Variants in BFSP1 observed in about 807,000 individuals in gnomAD.
BFSP1 encodes beaded filament structural protein 1.
In BFSP1, 38 loss-of-function variants were observed where a neutral mutation model predicts 43.9. The observed-to-expected ratio is 0.87, with a 90% CI of 0.67 to 1.14. The LOEUF (loss-of-function observed/expected upper bound fraction) is 1.14, where lower values mean the gene tolerates loss of function less well. BFSP1 is among the 50% of genes most tolerant of loss of function. The pLI is 0.00. For missense variants in BFSP1, 850 were observed against 875.1 expected, an observed-to-expected ratio of 0.97 and a Z score of 0.36; for synonymous variants, 352 against 354.8, an observed-to-expected ratio of 0.99 and a Z score of 0.09.
chr20:17,515,634 G>T (rs1305191759), intron 2 of BFSP1, among the ~76,000 whole-genome samples: 1 of 152,162 alleles, frequency 6.6e-6, no homozygotes, highest in Non-Finnish European at 1.5e-5. Flanking sequence ...AATTATTCAT[G>T]CTCTTAATAA....
intron 6 of BFSP1, 52 bp downstream of exon 6, chr20:17,498,768 T>C (rs2033716450): frequency 1.3e-6 from 2 of 1,577,326 alleles, no homozygotes; most frequent in Middle Eastern, 2.3e-4. Flanking sequence ...AGGCACTCAA[T>C]AAAGAGTTGT....
At chr20:17,545,269 C>CG (rs1384545485) in intron 1 of BFSP1, among the ~76,000 whole-genome samples, 1 of 152,010 alleles carries the variant, frequency 6.6e-6, no homozygotes, top group Non-Finnish European at 1.5e-5. Context: ...CTGGGCTGGA[C>CG]GAAGCACAGG....
chr20:17,555,710 T>C (rs2034980703), intron 1 of BFSP1, among the ~76,000 whole-genome samples: 1 of 152,146 alleles, frequency 6.6e-6, no homozygotes, highest in South Asian at 2.1e-4. Flanking sequence ...CATGCCATGT[T>C]CACAGGTGAA....
chr20:17,544,316 C>A (rs745702814), intron 1 of BFSP1, among the ~76,000 whole-genome samples: 51 of 152,196 alleles, frequency 3.4e-4, no homozygotes, highest in Non-Finnish European at 7.1e-4. Context: ...GGGCTGCTCC[C>A]TACACAGCCC....
intron 6 of BFSP1, 79 bp from the exon 7 acceptor site, chr20:17,497,102 G>T: frequency 8.4e-7 from 1 of 1,189,738 alleles, no homozygotes; most frequent in Non-Finnish European, 1.2e-6. Flanking sequence ...GAGCAAAAAT[G>T]AAAAAAAAGC....
chr20:17,561,544 G>A (rs1458740357), upstream of BFSP1, among the ~76,000 whole-genome samples: 1 of 151,974 alleles, frequency 6.6e-6, no homozygotes, highest in Non-Finnish European at 1.5e-5. Flanking sequence ...AAAAATGGAA[G>A]ACAACTTGGA....
At chr20:17,556,875 T>C (rs573155562) in intron 1 of BFSP1, among the ~76,000 whole-genome samples, 73 of 152,278 alleles carry the variant, frequency 4.8e-4, no homozygotes, top group Non-Finnish European at 3.2e-4. Context: ...TAAATCTGTA[T>C]TTTTTTAATA....
At chr20:17,497,408 T>C (rs1475885817) in intron 6 of BFSP1, among the ~76,000 whole-genome samples, 5 of 150,572 alleles carry the variant, frequency 3.3e-5, no homozygotes, top group South Asian at 2.1e-4. Context: ...AAACAGAGTA[T>C]GATATCTCCA....
At chr20:17,556,079 A>G (rs1325942134) in intron 1 of BFSP1, among the ~76,000 whole-genome samples, 1 of 152,228 alleles carries the variant, frequency 6.6e-6, no homozygotes, top group Non-Finnish European at 1.5e-5. Context: ...AGGATAAGCT[A>G]GTTAGACAAA....
At chr20:17,546,717 A>T (rs2034806613) in intron 1 of BFSP1, among the ~76,000 whole-genome samples, 1 of 151,980 alleles carries the variant, frequency 6.6e-6, no homozygotes, top group Non-Finnish European at 1.5e-5. Flanking sequence ...AACAAAAAAA[A>T]CAAAGAAGAA....
intron 3 of BFSP1, 121 bp from the exon 4 acceptor site, chr20:17,512,189 C>T (rs2034099871): frequency 1.4e-6 from 1 of 726,594 alleles, no homozygotes; most frequent in Admixed American, 2.4e-5. Flanking sequence ...CAGGACAGAC[C>T]ATGACCAGGT....
intron 5 of BFSP1, among the ~76,000 whole-genome samples, chr20:17,501,400 A>G (rs2033796330): frequency 6.6e-6 from 1 of 152,112 alleles, no homozygotes; most frequent in Non-Finnish European, 1.5e-5. Flanking sequence ...CACCATCTCT[A>G]CTAAAAATAC....
intron 5 of BFSP1, among the ~76,000 whole-genome samples, chr20:17,504,958 GGAAA>G (rs2033899140): frequency 6.9e-6 from 1 of 145,364 alleles, no homozygotes; most frequent in Non-Finnish European, 1.5e-5. Context: ...AAAAAAAAAA[GGAAA>G]CTCATTACAT....
chr20:17,504,074 G>C (rs1002910180), intron 5 of BFSP1, among the ~76,000 whole-genome samples: 1 of 152,136 alleles, frequency 6.6e-6, no homozygotes, highest in Non-Finnish European at 1.5e-5. Context: ...GTGTGCATTT[G>C]TGTTTGTTTG....
chr20:17,536,769 T>C (rs2034635404), intron 1 of BFSP1, among the ~76,000 whole-genome samples: 2 of 152,228 alleles, frequency 1.3e-5, no homozygotes, highest in Admixed American at 1.3e-4. Context: ...CATATATTCC[T>C]TAGAGGTGGG....
At chr20:17,532,221 A>T (rs189599199), upstream of BFSP1, among the ~76,000 whole-genome samples, 9 of 152,034 alleles carry the variant, frequency 5.9e-5, no homozygotes, top group African/African-American at 2.2e-4. Context: ...CCTGGCCAAC[A>T]TGGTGAAACT....
intron 5 of BFSP1, among the ~76,000 whole-genome samples, chr20:17,501,987 A>C (rs1264086955): frequency 2.0e-5 from 3 of 152,174 alleles, no homozygotes; most frequent in Non-Finnish European, 4.4e-5. Context: ...AAAGGTAATT[A>C]TTTGGAGAGG....
chr20:17,535,833 T>C (rs1167559619), upstream of BFSP1, among the ~76,000 whole-genome samples: 3 of 152,190 alleles, frequency 2.0e-5, no homozygotes, highest in African/African-American at 7.2e-5. Flanking sequence ...ATATGTATAA[T>C]GGCTAAGAGA....
chr20:17,494,126 A>T lies in BFSP1; in HGVS notation c.1946T>A (p.Met649Lys). The change falls in exon 8 of 8, where the codon ATG (methionine) becomes AAG (lysine). Residue 649 changes from methionine to lysine, a missense_variant. Transcript: ENST00000377873. ...YEETAVIVETMIGKTKSDKKK... is the reference protein window; with the variant it reads ...YEETAVIVETKIGKTKSDKKK... ...CTTGTCTGACTTTGTCTTTCCAATC[A>T]TGGTCTCCACGATCACAGCGGTTTC... The T allele has an allele frequency of 6.2e-7, 1 of 1,614,060 alleles. No individual in the cohort carries two copies. Among genetic ancestry groups the T allele is most frequent in the Non-Finnish European group, 8.5e-7 (1 of 1,180,006 alleles).
Sources: allele counts gnomAD v4.1 joint callset (sites outside exome capture counted in the v4.1 genomes callset), GRCh38; gene constraint gnomAD v4.1.1; transcripts MANE v1.5; gene names NCBI Gene and HGNC (gene_info 2026-07-23, HGNC 2026-07-21).